TMED5: variants seen among roughly 807,000 people sequenced by gnomAD.
TMED5 encodes the protein transmembrane p24 trafficking protein 5, also known as transmembrane emp24 domain-containing protein 5.
In TMED5, 27 loss-of-function variants were observed where a neutral mutation model predicts 23.0. That is an observed-to-expected ratio of 1.17 (90% CI 0.86 to 1.62). The LOEUF (loss-of-function observed/expected upper bound fraction) is 1.62. TMED5 is among the 40% of genes most tolerant of loss of function. The pLI, the probability that TMED5 is intolerant of heterozygous loss-of-function variation, is 0.00. For synonymous variants in TMED5, 97 were observed against 100.8 expected (o/e 0.96, Z 0.23); for missense variants, 248 against 273.7 (o/e 0.91, Z 0.66).
At chr1:93,179,747 A>C (rs1649199635) in intron 1 of TMED5, among the ~76,000 whole-genome samples, 1 of 152,224 alleles carries the variant, frequency 6.6e-6, no homozygotes, top group South Asian at 2.1e-4. Flanking sequence ...GGCTAAGAAA[A>C]GCAGTGGGCG....
chr1:93,175,940 A>G (rs556209531), intron 1 of TMED5, among the ~76,000 whole-genome samples: 145 of 152,298 alleles, frequency 9.5e-4, no homozygotes, highest in African/African-American at 3.3e-3. Context: ...TAGCATATTT[A>G]TTCTTCACAA....
intron 1 of TMED5, among the ~76,000 whole-genome samples, chr1:93,176,386 C>A (rs1241124870): frequency 6.6e-6 from 1 of 152,060 alleles, no homozygotes; most frequent in Non-Finnish European, 1.5e-5. Flanking sequence ...AAAATGAAGT[C>A]CTCCTACTGA....
intron 1 of TMED5, among the ~76,000 whole-genome samples, chr1:93,171,938 A>T (rs1352027445): frequency 6.6e-6 from 1 of 152,372 alleles, no homozygotes; most frequent in African/African-American, 2.4e-5. Context: ...TCACATCAAC[A>T]GGCTAAGGAA....
rs1226263065 is a variant in TMED5, at chr1:93,170,406, C to G, written c.189+9648G>C. 2.6e-5 allele frequency among the ~76,000 whole-genome samples: 4 copies of G among 152,350 alleles called. No individual in the cohort carries two copies. In the East Asian group the frequency reaches 7.7e-4, roughly 29 times the overall value. On this transcript the variant is annotated intron_variant, in intron 1 of 3. Coordinates refer to ENST00000370282, the MANE Select transcript of TMED5 (RefSeq NM_016040.5). Reference sequence around the variant, plus strand: ...CCCTGGGCAGTGAGAAGCTTAGCACCTGGGCCAGCAGCTGCTGTGCTCGAT... The same window carrying G: ...CCCTGGGCAGTGAGAAGCTTAGCACGTGGGCCAGCAGCTGCTGTGCTCGAT...
rs1329120880 is a variant in TMED5 at position 93,152,711 on chromosome 1, T to C, written c.*1959A>G. The C allele has an allele frequency of 6.6e-6, 1 of 152,542 alleles. No individual in the cohort carries two copies. Among genetic ancestry groups the C allele is most frequent in the African/African-American group, 2.4e-5 (1 of 41,416 alleles). The allele number at this position is 152,542 out of a possible 1,614,324, so 9.4% of individuals were successfully genotyped here. On this transcript the variant is annotated 3_prime_UTR_variant, in exon 4 of 4. Coordinates refer to ENST00000370282, the MANE Select transcript of TMED5 (RefSeq NM_016040.5). ...AGAGGTAGAATTCTTAATCACAGTT[T>C]TATAGAAAAGATGCAGTAGTTTATA... is the stretch of plus-strand genomic sequence containing the variant.
chr1:93,158,006 C>T (rs1014351270), intron 2 of TMED5, among the ~76,000 whole-genome samples: 1 of 151,850 alleles, frequency 6.6e-6, no homozygotes, highest in East Asian at 1.9e-4. Flanking sequence ...CGCCTGTAGT[C>T]CCAGCTACTC....
chr1:93,164,253 A>AG (rs1648402439), intron 1 of TMED5, among the ~76,000 whole-genome samples: 1 of 152,148 alleles, frequency 6.6e-6, no homozygotes, highest in Non-Finnish European at 1.5e-5. Flanking sequence ...GCAAGGGCAA[A>AG]GAAAAAAAAG....
chr1:93,164,005 T>C (rs1648395394), intron 1 of TMED5, among the ~76,000 whole-genome samples: 1 of 146,228 alleles, frequency 6.8e-6, no homozygotes, highest in South Asian at 2.2e-4. Context: ...AAAGCCATAA[T>C]CTGGAACAAA....
At chr1:93,169,869 G>A (rs1220160215) in intron 1 of TMED5, among the ~76,000 whole-genome samples, 1 of 136,822 alleles carries the variant, frequency 7.3e-6, no homozygotes, top group Non-Finnish European at 1.6e-5. Context: ...GCAGCAAAGT[G>A]AGACCCTGTC....
chr1:93,170,334 C>T (rs1195228261), intron 1 of TMED5, among the ~76,000 whole-genome samples: 1 of 152,226 alleles, frequency 6.6e-6, no homozygotes, highest in Non-Finnish European at 1.5e-5. Flanking sequence ...TCCGGGTGGG[C>T]GTGGGCTCCG....
At chr1:93,168,928 A>G (rs758707445) in intron 1 of TMED5, among the ~76,000 whole-genome samples, 1 of 152,254 alleles carries the variant, frequency 6.6e-6, no homozygotes, top group Non-Finnish European at 1.5e-5. Flanking sequence ...ACACCTAACA[A>G]CAATGTATCA....
At chr1:93,170,969 G>C (rs1001359394) in intron 1 of TMED5, among the ~76,000 whole-genome samples, 2 of 152,176 alleles carry the variant, frequency 1.3e-5, no homozygotes, top group African/African-American at 2.4e-5. Flanking sequence ...CCAGATAAGA[G>C]AATTAAAGCA....
chr1:93,175,184 T>C (rs919392714), intron 1 of TMED5, among the ~76,000 whole-genome samples: 1 of 141,358 alleles, frequency 7.1e-6, no homozygotes, highest in Non-Finnish European at 1.5e-5. Flanking sequence ...TTTATATATA[T>C]ATATATATAT....
chr1:93,155,920 C>A, intron 3 of TMED5: 1 of 538,398 alleles, frequency 1.9e-6, no homozygotes, highest in Non-Finnish European at 3.2e-6. Flanking sequence ...TTTAATACCA[C>A]AAAATAGTTG....
At position 93,154,567 on chromosome 1, in the gene TMED5, T is replaced by G. The variant is rs1647986415; in HGVS notation, c.*103A>C. On this transcript the variant is annotated 3_prime_UTR_variant, in exon 4 of 4. Coordinates refer to ENST00000370282, the MANE Select transcript of TMED5 (RefSeq NM_016040.5). ...AAATTATACCTGTTTCCTACTTTTATATCTCAAAATATTTTGGAGAAGACC... is the reference window on the plus strand; with the variant it reads ...AAATTATACCTGTTTCCTACTTTTAGATCTCAAAATATTTTGGAGAAGACC... The G allele has an allele frequency of 1.3e-6, 1 of 748,176 alleles. No homozygotes were observed. The highest frequency in any genetic ancestry group is 2.9e-5 in the Admixed American group (1 of 34,536). The allele number at this position is 748,176 out of a possible 1,614,324, so 46.3% of individuals were successfully genotyped here.
intron 1 of TMED5, among the ~76,000 whole-genome samples, chr1:93,178,725 T>C (rs1433236013): frequency 6.6e-6 from 1 of 152,180 alleles, no homozygotes; most frequent in Non-Finnish European, 1.5e-5. Flanking sequence ...TTTAGATATT[T>C]TATTCTCTGT....
At chr1:93,161,012 T>C (rs1648257113) in intron 1 of TMED5, 2 of 152,330 alleles carry the variant, frequency 1.3e-5, no homozygotes, top group South Asian at 2.1e-4. Flanking sequence ...CCAGTATGAA[T>C]TGTGTATTCG....
At chr1:93,157,916 A>G (rs1648129605) in intron 2 of TMED5, among the ~76,000 whole-genome samples, 1 of 152,076 alleles carries the variant, frequency 6.6e-6, no homozygotes, top group Admixed American at 6.6e-5. Context: ...CGAGGTCAGG[A>G]GATCCAGACC....
At chr1:93,165,152 G>T (rs1648448423) in intron 1 of TMED5, among the ~76,000 whole-genome samples, 1 of 152,176 alleles carries the variant, frequency 6.6e-6, no homozygotes, top group African/African-American at 2.4e-5. Flanking sequence ...CTGCAGCCCT[G>T]TGAGAGATCC....
Sources: gnomAD v4.1 joint callset for allele counts (sites outside exome capture counted in the v4.1 genomes callset) on GRCh38, gnomAD v4.1.1 for gene constraint, MANE v1.5 for transcripts, NCBI Gene and HGNC (gene_info 2026-07-23, HGNC 2026-07-21) for gene names.